The following FILIP1 variants were observed in gnomAD, a reference collection of about 807,000 sequenced individuals.
FILIP1 encodes filamin-A-interacting protein 1.
In FILIP1, 61 loss-of-function variants were observed where a neutral mutation model predicts 102.1. That is an observed-to-expected ratio of 0.60 (90% CI 0.49 to 0.74). The LOEUF is 0.74. Ranked by LOEUF, FILIP1 falls within the 30% of genes least tolerant of loss-of-function variation. FILIP1 has a pLI of 0.00. For synonymous variants in FILIP1, 491 were observed against 526.9 expected (o/e 0.93, Z 0.93); for missense variants, 1,314 against 1,441.2 (o/e 0.91, Z 1.43).
intron 5 of FILIP1, among the ~76,000 whole-genome samples, chr6:75,310,599 C>A (rs1208750330): frequency 6.6e-6 from 1 of 152,142 alleles, no homozygotes; most frequent in Non-Finnish European, 1.5e-5. Flanking sequence ...AATCAGTAGT[C>A]AAAAATGTCA....
At chr6:75,315,534 T>C (rs1370036478) in intron 4 of FILIP1, among the ~76,000 whole-genome samples, 1 of 152,260 alleles carries the variant, frequency 6.6e-6, no homozygotes, top group East Asian at 1.9e-4. Flanking sequence ...ATATGTATTA[T>C]ACTTTAATAC....
intron 4 of FILIP1, among the ~76,000 whole-genome samples, chr6:75,323,787 C>T (rs1773739524): frequency 6.6e-6 from 1 of 152,206 alleles, no homozygotes; most frequent in Non-Finnish European, 1.5e-5. Flanking sequence ...ATTATAATCC[C>T]CATATGTCAA....
chr6:75,470,259 T>C (rs1393467894), intron 1 of FILIP1, among the ~76,000 whole-genome samples: 2 of 152,174 alleles, frequency 1.3e-5, no homozygotes, highest in Non-Finnish European at 2.9e-5. Flanking sequence ...TTCTATATAT[T>C]GCCATTGATT....
At chr6:75,463,154 G>A (rs1482714686) in intron 1 of FILIP1, among the ~76,000 whole-genome samples, 1 of 152,210 alleles carries the variant, frequency 6.6e-6, no homozygotes, top group Non-Finnish European at 1.5e-5. Flanking sequence ...TTAGTTCCAT[G>A]TTCTGGCGTA....
At chr6:75,403,754 C>CA (rs1776741550) in intron 2 of FILIP1, among the ~76,000 whole-genome samples, 1 of 152,130 alleles carries the variant, frequency 6.6e-6, no homozygotes, top group African/African-American at 2.4e-5. Context: ...GGAGATTTTT[C>CA]AGACCAGTCT....
At chr6:75,344,152 G>A (rs1774503238) in intron 4 of FILIP1, among the ~76,000 whole-genome samples, 1 of 152,056 alleles carries the variant, frequency 6.6e-6, no homozygotes, top group African/African-American at 2.4e-5. Flanking sequence ...GTTCTGGTGT[G>A]GTTTTTTTGT....
intron 4 of FILIP1, among the ~76,000 whole-genome samples, chr6:75,349,170 A>C (rs1562487319): frequency 6.6e-6 from 1 of 152,208 alleles, no homozygotes; most frequent in Non-Finnish European, 1.5e-5. Flanking sequence ...TTCAAACAAC[A>C]TCAAACATCT....
At chr6:75,312,173 A>G (rs537611472) in intron 5 of FILIP1, among the ~76,000 whole-genome samples, 1 of 152,350 alleles carries the variant, frequency 6.6e-6, no homozygotes, top group South Asian at 2.1e-4. Flanking sequence ...CATAATTTAC[A>G]TGAATAGGTG....
At chr6:75,424,107 A>G (rs865942352) in intron 1 of FILIP1, among the ~76,000 whole-genome samples, 10 of 152,292 alleles carry the variant, frequency 6.6e-5, no homozygotes, top group Non-Finnish European at 1.5e-4. Context: ...ACTTGTAGCC[A>G]TTTGCCCAAA....
intron 4 of FILIP1, among the ~76,000 whole-genome samples, chr6:75,344,106 C>T (rs1774501322): frequency 1.3e-5 from 2 of 152,304 alleles, no homozygotes; most frequent in Admixed American, 1.3e-4. Context: ...GTAACCCCAG[C>T]TATGATGTGG....
At chr6:75,307,557 T>C (rs771740086), downstream of FILIP1, among the ~76,000 whole-genome samples, 1 of 152,234 alleles carries the variant, frequency 6.6e-6, no homozygotes, top group Non-Finnish European at 1.5e-5. Flanking sequence ...TTTGTGGTTA[T>C]GTGGCTATGA....
At chr6:75,299,127 A>G (rs1772766349) in intron 6 of FILIP1, among the ~76,000 whole-genome samples, 1 of 152,034 alleles carries the variant, frequency 6.6e-6, no homozygotes, top group South Asian at 2.1e-4. Flanking sequence ...TGTATATAGT[A>G]CAATAAAATA....
chr6:75,362,903 C>T lies in FILIP1; in HGVS notation c.291G>A (p.Val97=), dbSNP rs1308510952. The T allele has an allele frequency of 6.2e-7, 1 of 1,613,888 alleles. No individual in the cohort carries two copies. The highest frequency in any genetic ancestry group is 8.5e-7 in the Non-Finnish European group (1 of 1,180,004). Reference sequence around the variant, plus strand: ...TTTTCTCTGTCTTCAGCATGTGGATCACATCTTCTCTGGCCTGTAATAGAA... The same window carrying T: ...TTTTCTCTGTCTTCAGCATGTGGATTACATCTTCTCTGGCCTGTAATAGAA... The part of the protein sequence containing the change: ...MEGELQARED[V]IHMLKTEKTK... Residue 97 remains valine (V), a synonymous_variant, in exon 3 of 6, where the codon GTG becomes GTA. Coordinates refer to ENST00000237172, the MANE Select transcript of FILIP1 (RefSeq NM_015687.5).
At chr6:75,450,942 C>T (rs1408461408) in intron 1 of FILIP1, among the ~76,000 whole-genome samples, 4 of 152,016 alleles carry the variant, frequency 2.6e-5, no homozygotes, top group South Asian at 2.1e-4. Flanking sequence ...GCAACAAGAG[C>T]GAAACTCCAT....
chr6:75,482,815 A>T (rs984001509), intron 1 of FILIP1, among the ~76,000 whole-genome samples: 1 of 152,196 alleles, frequency 6.6e-6, no homozygotes, highest in African/African-American at 2.4e-5. Flanking sequence ...CAATCAATGG[A>T]AACTGGTCAT....
At chr6:75,391,696 C>T (rs1465863169) in intron 2 of FILIP1, among the ~76,000 whole-genome samples, 1 of 152,078 alleles carries the variant, frequency 6.6e-6, no homozygotes, top group African/African-American at 2.4e-5. Context: ...GTTAATGTTT[C>T]CCTCCATATT....
At chr6:75,305,951 CAA>C (rs1301787777), downstream of FILIP1, among the ~76,000 whole-genome samples, 1 of 152,132 alleles carries the variant, frequency 6.6e-6, no homozygotes, top group African/African-American at 2.4e-5. Flanking sequence ...GAAAATATTG[CAA>C]AGTTTTCATC....
intron 4 of FILIP1, among the ~76,000 whole-genome samples, chr6:75,351,071 C>CT (rs922047738): frequency 3.2e-4 from 48 of 147,880 alleles, no homozygotes; most frequent in Admixed American, 3.4e-4. Context: ...TCAGAGAGTA[C>CT]TTTTTTTTTT....
intron 1 of FILIP1, among the ~76,000 whole-genome samples, chr6:75,430,661 C>T (rs962933705): frequency 5.9e-5 from 9 of 152,178 alleles, no homozygotes; most frequent in Admixed American, 1.3e-4. Flanking sequence ...GTAGTGGTCT[C>T]ATATCTGAGG....
Sources: allele counts gnomAD v4.1 joint callset (sites outside exome capture counted in the v4.1 genomes callset), GRCh38; gene constraint gnomAD v4.1.1; transcripts MANE v1.5; gene names NCBI Gene and HGNC (gene_info 2026-07-23, HGNC 2026-07-21).